NEK11: variants seen among roughly 807,000 people sequenced by gnomAD.
NEK11 encodes serine/threonine-protein kinase Nek11.
NEK11 carries 72 observed loss-of-function variants against 80.7 expected under a neutral mutation model. The ratio of observed to expected loss-of-function variants is 0.89; its 90% confidence interval spans 0.74 to 1.08. The LOEUF (loss-of-function observed/expected upper bound fraction) is 1.08. Among genes scored for constraint, NEK11 ranks in the 50% least tolerant of loss-of-function variants. The pLI, the probability that NEK11 is intolerant of heterozygous loss-of-function variation, is 0.00. For synonymous variants in NEK11, 251 were observed against 260.7 expected (o/e 0.96, Z 0.36); for missense variants, 764 against 763.6 (o/e 1.00, Z -0.01).
rs867264828 is a variant in NEK11, at chr3:131,029,992, C to T, written c.170+114C>T. 117 of 984,380 alleles carry T rather than the reference C, an allele frequency of 1.2e-4. 1 individual carries two copies. In the African/African-American group the frequency reaches 1.7e-3, roughly 14 times the overall value. The allele number at this position is 984,380 out of a possible 1,614,324, so 61.0% of individuals were successfully genotyped here. A position where few individuals can be genotyped will look rare whatever the true frequency, so the allele number is the denominator to read the frequency against. The stretch of plus-strand genomic sequence containing the variant: ...TGGTGGCTCATGCCTGTAATCCCAG[C>T]ACTGTGGGTGGCCAAGGTTGGCAGA... On this transcript the variant is annotated intron_variant, in intron 3 of 17. Coordinates refer to ENST00000383366, the MANE Select transcript of NEK11 (RefSeq NM_024800.5).
intron 14 of NEK11, among the ~76,000 whole-genome samples, chr3:131,219,187 T>C (rs1218735725): frequency 6.6e-6 from 1 of 152,100 alleles, no homozygotes; most frequent in Non-Finnish European, 1.5e-5. Context: ...ATGTGGCACA[T>C]ATATAACATG....
chr3:131,120,015 G>A (rs1255876913), intron 5 of NEK11, among the ~76,000 whole-genome samples: 1 of 152,196 alleles, frequency 6.6e-6, no homozygotes, highest in African/African-American at 2.4e-5. Context: ...ATTTGATCCT[G>A]TCATTATGAT....
At chr3:131,215,232 T>A (rs112253835) in intron 14 of NEK11, among the ~76,000 whole-genome samples, 94 of 134,500 alleles carry the variant, frequency 7.0e-4, no homozygotes, top group Non-Finnish European at 9.8e-4. Context: ...ATGAGAACAC[T>A]TGGTCACAGG....
chr3:131,231,013 C>T (rs953005217), intron 15 of NEK11, among the ~76,000 whole-genome samples: 2 of 152,088 alleles, frequency 1.3e-5, no homozygotes, highest in Non-Finnish European at 2.9e-5. Context: ...CACCTTCCAC[C>T]ATGACTGTGA....
chr3:131,077,666 C>T (rs1249367712), intron 3 of NEK11, among the ~76,000 whole-genome samples: 1 of 152,168 alleles, frequency 6.6e-6, no homozygotes, highest in African/African-American at 2.4e-5. Flanking sequence ...TCATGCTTAA[C>T]CACTGTGACT....
rs533637736 is a variant in NEK11 at position 131,123,699 on chromosome 3, A to G, written c.456-9046A>G. 2.0e-5 allele frequency among the ~76,000 whole-genome samples: 3 copies of G among 152,092 alleles called. No individual in the cohort carries two copies. The South Asian group carries it at 6.2e-4, about 32-fold the overall frequency. ...CTGCTTGTCTAGTCTAGGTGTCATCAGGTGAGTTTCTTTGGAATGTTTTAC... is the reference window on the plus strand; with the variant it reads ...CTGCTTGTCTAGTCTAGGTGTCATCGGGTGAGTTTCTTTGGAATGTTTTAC... On this transcript the variant is annotated intron_variant, in intron 5 of 17. Transcript: ENST00000383366.
intron 14 of NEK11, among the ~76,000 whole-genome samples, chr3:131,214,989 G>A (rs1481370484): frequency 1.3e-5 from 2 of 152,022 alleles, no homozygotes; most frequent in Non-Finnish European, 2.9e-5. Flanking sequence ...AAAAGGTCAC[G>A]GTACTAACCC....
intron 5 of NEK11, among the ~76,000 whole-genome samples, chr3:131,119,979 T>A (rs2082079564): frequency 6.6e-6 from 1 of 152,216 alleles, no homozygotes; most frequent in Non-Finnish European, 1.5e-5. Flanking sequence ...CCCATTTACA[T>A]TTATGGTTAA....
At chr3:131,338,321 A>T (rs905394343) in intron 17 of NEK11, among the ~76,000 whole-genome samples, 1 of 148,592 alleles carries the variant, frequency 6.7e-6, no homozygotes, top group African/African-American at 2.5e-5. Flanking sequence ...ATATGGAGCA[A>T]CTAAGACTGT....
chr3:131,155,705 G>A (rs928663814), intron 10 of NEK11, among the ~76,000 whole-genome samples: 6 of 152,100 alleles, frequency 3.9e-5, no homozygotes, highest in Non-Finnish European at 7.4e-5. Context: ...TTATGTTCTG[G>A]ATTTTTGCAT....
chr3:131,214,604 A>G (rs762345777), intron 14 of NEK11, among the ~76,000 whole-genome samples: 1 of 152,174 alleles, frequency 6.6e-6, no homozygotes, highest in African/African-American at 2.4e-5. Flanking sequence ...TCATCTTGAC[A>G]TATAGGATAA....
chr3:131,152,848 G>T, intron 9 of NEK11, 139 bp downstream of exon 9: 3 of 612,596 alleles, frequency 4.9e-6, no homozygotes, highest in Non-Finnish European at 8.6e-6. Flanking sequence ...GAAGCTGAGA[G>T]GCCGAGGCGG....
Position 131,190,743 on chromosome 3 carries a change from A to C in NEK11, c.1399+19856A>C, listed in dbSNP as rs141614265. 9.2e-5 allele frequency among the ~76,000 whole-genome samples: 14 copies of C among 152,326 alleles called. No homozygotes were observed. In the East Asian group the frequency reaches 2.7e-3, roughly 29 times the overall value. ...GGTAAAAAGTTTAGTGGGGCATTGA[A>C]TCTCTTAATCCAGGGTAAAATTAGA... On this transcript the variant is annotated intron_variant, in intron 14 of 17. Transcript: ENST00000383366.
At chr3:131,331,693 G>T (rs1449810278) in intron 17 of NEK11, among the ~76,000 whole-genome samples, 1 of 152,220 alleles carries the variant, frequency 6.6e-6, no homozygotes, top group African/African-American at 2.4e-5. Context: ...AAGGGGTCAG[G>T]GAGTTCCCTT....
At chr3:131,265,474 A>G (rs2096032829) in intron 16 of NEK11, among the ~76,000 whole-genome samples, 1 of 152,184 alleles carries the variant, frequency 6.6e-6, no homozygotes, top group African/African-American at 2.4e-5. Flanking sequence ...TGAGATAATC[A>G]TGTGGTTTTT....
chr3:131,149,135 C>T (rs1482308987), intron 7 of NEK11, among the ~76,000 whole-genome samples: 1 of 151,898 alleles, frequency 6.6e-6, no homozygotes, highest in Non-Finnish European at 1.5e-5. Context: ...AGTTCCTCAA[C>T]CTCCTCCTCT....
intron 16 of NEK11, among the ~76,000 whole-genome samples, chr3:131,264,624 T>C (rs1254748630): frequency 2.0e-5 from 3 of 152,208 alleles, no homozygotes; most frequent in African/African-American, 7.2e-5. Flanking sequence ...AGCCTTGTAG[T>C]ATAGTTTGAA....
intron 17 of NEK11, chr3:131,329,911 C>T (rs762106276): frequency 6.6e-5 from 10 of 152,208 alleles, no homozygotes; most frequent in African/African-American, 9.7e-5. Flanking sequence ...AAGACCTTTA[C>T]TCTGAGATGA....
chr3:131,306,490 T>C (rs968919868), intron 17 of NEK11, among the ~76,000 whole-genome samples: 4 of 152,186 alleles, frequency 2.6e-5, no homozygotes, highest in African/African-American at 9.7e-5. Context: ...AAGTGGGCTA[T>C]AGTTGGGTAT....
Sources: allele counts gnomAD v4.1 joint callset (sites outside exome capture counted in the v4.1 genomes callset), GRCh38; gene constraint gnomAD v4.1.1; transcripts MANE v1.5; gene names NCBI Gene and HGNC (gene_info 2026-07-23, HGNC 2026-07-21).